Variants in DROSHA observed in about 807,000 individuals in gnomAD.
DROSHA encodes the protein drosha ribonuclease III.
Under a neutral mutation model 181.9 loss-of-function variants are expected in DROSHA, and 56 were observed. The ratio of observed to expected loss-of-function variants is 0.31; its 90% confidence interval spans 0.25 to 0.38. DROSHA has a LOEUF of 0.38. DROSHA is among the 10% of genes least tolerant of loss of function. The pLI is 1.00. For missense variants in DROSHA, 1,218 were observed against 1,743.5 expected (o/e 0.70, Z 5.37); for synonymous variants, 524 against 591.2 (o/e 0.89, Z 1.65).
chr5:31,402,629 G>C (rs1457583867), intron 35 of DROSHA, among the ~76,000 whole-genome samples: 1 of 152,076 alleles, frequency 6.6e-6, no homozygotes, highest in African/African-American at 2.4e-5. Context: ...TGGATAAGGG[G>C]AGATGACCAT....
chr5:31,453,367 A>T (rs1747257975), intron 20 of DROSHA, among the ~76,000 whole-genome samples: 1 of 152,074 alleles, frequency 6.6e-6, no homozygotes, highest in South Asian at 2.1e-4. Flanking sequence ...CACTCTGCTA[A>T]TATCTGTGTT....
At chr5:31,429,421 A>C in intron 27 of DROSHA, 54 bp downstream of exon 27, 5 of 1,490,382 alleles carry the variant, frequency 3.4e-6, no homozygotes, top group Non-Finnish European at 4.6e-6. Flanking sequence ...AGCTGAAATA[A>C]AATATTCTGT....
chr5:31,502,161 T>A (rs928844972), intron 11 of DROSHA, among the ~76,000 whole-genome samples: 1 of 152,236 alleles, frequency 6.6e-6, no homozygotes, highest in Non-Finnish European at 1.5e-5. Context: ...CCAACCTGCT[T>A]ACACAGTGGC....
intron 5 of DROSHA, among the ~76,000 whole-genome samples, chr5:31,523,090 A>G (rs1049759902): frequency 2.0e-5 from 3 of 152,240 alleles, no homozygotes; most frequent in Non-Finnish European, 2.9e-5. Flanking sequence ...ATGCAAATTT[A>G]TGAAGTTTCA....
intron 8 of DROSHA, among the ~76,000 whole-genome samples, chr5:31,512,141 C>A (rs1303787609): frequency 6.6e-6 from 1 of 152,188 alleles, no homozygotes; most frequent in Non-Finnish European, 1.5e-5. Context: ...AATGTAAAAA[C>A]CAGACCTGTC....
chr5:31,429,763 T>C (rs989786373), intron 26 of DROSHA, among the ~76,000 whole-genome samples: 2 of 152,184 alleles, frequency 1.3e-5, no homozygotes, highest in Non-Finnish European at 2.9e-5. Flanking sequence ...TTTACTAACA[T>C]CTAAATCTAA....
At chr5:31,453,036 A>ATAGGACATGGGT (rs1747211139) in intron 20 of DROSHA, among the ~76,000 whole-genome samples, 1 of 152,208 alleles carries the variant, frequency 6.6e-6, no homozygotes, top group African/African-American at 2.4e-5. Flanking sequence ...CTCAAGGTGG[A>ATAGGACATGGGT]TAGGACATGG....
intron 21 of DROSHA, among the ~76,000 whole-genome samples, chr5:31,451,116 C>T (rs542336036): frequency 2.6e-4 from 40 of 152,074 alleles, no homozygotes; most frequent in Non-Finnish European, 5.4e-4. Context: ...GCAGGAGAAT[C>T]GCTTGAACCC....
intron 5 of DROSHA, among the ~76,000 whole-genome samples, chr5:31,525,177 A>G (rs772032609): frequency 1.1e-4 from 16 of 152,002 alleles, no homozygotes; most frequent in Admixed American, 3.9e-4. Flanking sequence ...CTAAAAATAC[A>G]AAAAGTAGCT....
At chr5:31,503,755 C>A (rs1180769079) in intron 11 of DROSHA, among the ~76,000 whole-genome samples, 2 of 152,216 alleles carry the variant, frequency 1.3e-5, no homozygotes, top group Admixed American at 1.3e-4. Context: ...CACAAACGCT[C>A]ACAAGATGCC....
At chr5:31,417,012 A>G (rs909661522) in intron 30 of DROSHA, among the ~76,000 whole-genome samples, 4 of 152,236 alleles carry the variant, frequency 2.6e-5, no homozygotes, top group African/African-American at 4.8e-5. Context: ...GATAGTAAAC[A>G]AGTACATTAC....
intron 29 of DROSHA, 124 bp downstream of exon 29, chr5:31,422,663 T>A (rs1742909329): frequency 1.6e-6 from 2 of 1,249,392 alleles, no homozygotes; most frequent in South Asian, 3.0e-5. Context: ...CTCACCCATC[T>A]CACAATGTGA....
intron 17 of DROSHA, among the ~76,000 whole-genome samples, chr5:31,468,538 T>C (rs369483693): frequency 6.6e-6 from 1 of 152,230 alleles, no homozygotes; most frequent in Admixed American, 6.5e-5. Context: ...GAAAGTATAG[T>C]GGTGCAAAGG....
chr5:31,486,367 A>G (rs2150038578), intron 14 of DROSHA, 124 bp downstream of exon 14: 1 of 911,176 alleles, frequency 1.1e-6, no homozygotes, highest in Admixed American at 2.8e-5. Context: ...TCAACAGTGA[A>G]TATGATACTT....
chr5:31,527,769 T>C (rs1242471359), intron 4 of DROSHA, among the ~76,000 whole-genome samples: 1 of 152,160 alleles, frequency 6.6e-6, no homozygotes, highest in Non-Finnish European at 1.5e-5. Flanking sequence ...TCCAGAACTG[T>C]GAGAAATAAA....
Position 31,431,289 on chromosome 5 carries a change from T to C in DROSHA, c.3145+287A>G, listed in dbSNP as rs565047685. Among the ~76,000 whole-genome samples, 5 of 139,754 alleles carry C rather than the reference T, an allele frequency of 3.6e-5. No homozygotes were observed. In the East Asian group the frequency reaches 1.1e-3, roughly 31 times the overall value. 91.7% of individuals were successfully genotyped at this position (139,754 alleles called of 152,430 possible). On this transcript the variant is annotated intron_variant, in intron 26 of 35. Coordinates refer to ENST00000344624, the MANE Select transcript of DROSHA (RefSeq NM_001382508.1). ...GAAAGTAATCCATCTCCATATTAACTCACCTCATTTCAATTCATTAAATAC... is the reference window on the plus strand; with the variant it reads ...GAAAGTAATCCATCTCCATATTAACCCACCTCATTTCAATTCATTAAATAC...
In DROSHA at chr5:31,472,176, T is replaced by C; in HGVS notation, c.2128A>G (p.Ser710Gly). Reference sequence around the variant, plus strand: ...TCCTCCTCAGGCACCAGGGCTTTGCTGCACCTTAACAAGTACAGGAGAATC... The same window carrying C: ...TCCTCCTCAGGCACCAGGGCTTTGCCGCACCTTAACAAGTACAGGAGAATC... The part of the protein sequence containing the change: ...HQILLYLLRC[S>G]KALVPEEEIA... The change falls in exon 17 of 36, where the codon AGC becomes GGC. Residue 710 changes from serine (S) to glycine (G), a missense_variant. By Grantham distance (56) the Ser-to-Gly change is moderately conservative. This residue lies in a region of DROSHA where 460 missense variants were observed against 774.2 expected (regional missense o/e 0.59). Transcript: ENST00000344624. The C allele has an allele frequency of 6.2e-7, 1 of 1,613,948 alleles. No individual in the cohort carries two copies. The highest frequency in any genetic ancestry group is 8.5e-7 in the Non-Finnish European group (1 of 1,179,876).
intron 9 of DROSHA, among the ~76,000 whole-genome samples, chr5:31,509,915 C>T (rs1738471014): frequency 1.3e-5 from 2 of 151,566 alleles, no homozygotes; most frequent in Admixed American, 1.3e-4. Context: ...TTAACAGGTC[C>T]AGAGTTTCAG....
At chr5:31,424,696 C>A (rs1208648928) in intron 27 of DROSHA, among the ~76,000 whole-genome samples, 2 of 152,076 alleles carry the variant, frequency 1.3e-5, no homozygotes, top group African/African-American at 2.4e-5. Context: ...GGAAAAGAGC[C>A]TCCTCTAGTC....
Sources: allele counts gnomAD v4.1 joint callset (sites outside exome capture counted in the v4.1 genomes callset), GRCh38; gene constraint gnomAD v4.1.1; regional missense constraint gnomAD v4.1.1; transcripts MANE v1.5; gene names NCBI Gene and HGNC (gene_info 2026-07-23, HGNC 2026-07-21).